The following SLC7A14 variants were observed in gnomAD, a reference collection of about 807,000 sequenced individuals.
The protein encoded by SLC7A14 is solute carrier family 7 member 14.
A neutral mutation model predicts 60.2 loss-of-function variants in SLC7A14; 37 were observed. The observed-to-expected ratio is 0.61, with a 90% CI of 0.47 to 0.81. SLC7A14 has a LOEUF of 0.81. Among genes scored for constraint, SLC7A14 ranks in the 30% least tolerant of loss-of-function variants. SLC7A14 has a pLI of 0.00. For synonymous variants in SLC7A14, 399 were observed against 395.8 expected (o/e 1.01, Z -0.10); for missense variants, 886 against 982.7 (o/e 0.90, Z 1.32).
At position 170,563,409 on chromosome 3, in the gene SLC7A14, G is replaced by GT. The variant is rs1244002284; in HGVS notation, c.-153+22501dup. Among the ~76,000 whole-genome samples, 19 of 102,470 alleles carry GT rather than the reference G, an allele frequency of 1.9e-4. No homozygotes were observed. The South Asian group carries it at 2.2e-3, about 12-fold the overall frequency. 67.2% of individuals were successfully genotyped at this position (102,470 alleles called of 152,430 possible). ...CACATCAGTTCAACAAACACTGTTT[G>GT]TTTGTTTGTTTTTTTTTTTTTTTTT... On this transcript the variant is annotated intron_variant, in intron 1 of 7. Coordinates refer to ENST00000231706, the MANE Select transcript of SLC7A14 (RefSeq NM_020949.3).
At chr3:170,582,270 G>A (rs1715258453) in intron 1 of SLC7A14, among the ~76,000 whole-genome samples, 1 of 151,926 alleles carries the variant, frequency 6.6e-6, no homozygotes, top group Admixed American at 6.6e-5. Context: ...TTGCTGTGAG[G>A]GTGTGTTTAG....
At chr3:170,476,680 C>T (rs1711628427) in intron 7 of SLC7A14, 1 of 152,242 alleles carries the variant, frequency 6.6e-6, no homozygotes, top group Admixed American at 6.5e-5. Context: ...GCAGGAAATA[C>T]ATGTTTCTTG....
chr3:170,577,833 T>C (rs1172271545), intron 1 of SLC7A14, among the ~76,000 whole-genome samples: 1 of 152,222 alleles, frequency 6.6e-6, no homozygotes, highest in East Asian at 1.9e-4. Flanking sequence ...CATTTGTATA[T>C]TCAGTACATT....
intron 1 of SLC7A14, among the ~76,000 whole-genome samples, chr3:170,572,920 G>A (rs552224817): frequency 1.7e-4 from 26 of 152,250 alleles, no homozygotes; most frequent in Middle Eastern, 3.4e-3. Context: ...AGCTCAAGGG[G>A]AAAATAAAAA....
At chr3:170,575,232 C>A (rs1033187297) in intron 1 of SLC7A14, among the ~76,000 whole-genome samples, 17 of 152,148 alleles carry the variant, frequency 1.1e-4, no homozygotes, top group African/African-American at 3.9e-4. Context: ...CTTTCTGAAG[C>A]CTCCCTCATC....
At chr3:170,474,881 G>A (rs904246049) in intron 7 of SLC7A14, among the ~76,000 whole-genome samples, 12 of 152,116 alleles carry the variant, frequency 7.9e-5, no homozygotes, top group Non-Finnish European at 1.6e-4. Flanking sequence ...AAATCCTATG[G>A]TAAGGGCAAG....
At chr3:170,492,601 G>T (rs1057055947) in intron 4 of SLC7A14, among the ~76,000 whole-genome samples, 1 of 152,332 alleles carries the variant, frequency 6.6e-6, no homozygotes, top group Non-Finnish European at 1.5e-5. Flanking sequence ...CCAGAACAGA[G>T]TTCATCCCTC....
At position 170,544,806 on chromosome 3, in the gene SLC7A14, A is replaced by G. The variant is rs183854934; in HGVS notation, c.-152-17718T>C. Among the ~76,000 whole-genome samples, 345 of 152,356 alleles carry G rather than the reference A, an allele frequency of 2.3e-3. 2 individuals carry two copies. Among genetic ancestry groups the G allele is most frequent in the African/African-American group, 7.8e-3 (324 of 41,576 alleles). On this transcript the variant is annotated intron_variant, in intron 1 of 7. Transcript: ENST00000231706. ...CCACTCCCAAGGTAAAGATGAGGAAACTGAGGCACAGAGCAGTTAACATTT... is the reference window on the plus strand; with the variant it reads ...CCACTCCCAAGGTAAAGATGAGGAAGCTGAGGCACAGAGCAGTTAACATTT...
At chr3:170,540,254 G>A (rs1713979091) in intron 1 of SLC7A14, among the ~76,000 whole-genome samples, 2 of 152,056 alleles carry the variant, frequency 1.3e-5, no homozygotes, top group Non-Finnish European at 2.9e-5. Context: ...CTGAAACCAT[G>A]GAAAGCAACA....
At chr3:170,503,920 G>C (rs924349090) in intron 2 of SLC7A14, among the ~76,000 whole-genome samples, 7 of 152,194 alleles carry the variant, frequency 4.6e-5, no homozygotes, top group African/African-American at 1.4e-4. Flanking sequence ...AGGAGCATTT[G>C]GAATCTTAGT....
intron 3 of SLC7A14, among the ~76,000 whole-genome samples, chr3:170,500,659 A>C (rs1712578489): frequency 6.6e-6 from 1 of 152,096 alleles, no homozygotes; most frequent in South Asian, 2.1e-4. Flanking sequence ...AATTGCTGAC[A>C]GTTCTTTTTT....
Position 170,486,227 on chromosome 3 carries a change from C to G in SLC7A14, c.901G>C (p.Val301Leu). The change falls in exon 5 of 8, where the codon GTG becomes CTG. Residue 301 changes from valine to leucine, a missense_variant. Val to Leu is a conservative substitution (Grantham distance 32). Transcript: ENST00000231706. Reference protein sequence around the residue: ...ASLVICLTAYVSVSVILTLMV... With the variant: ...ASLVICLTAYLSVSVILTLMV... Reference sequence around the variant, plus strand: ...CGCAAGCATCTGGTACTTACAGACACATATGCTGTCAGGCAGATGACCAGG... The same window carrying G: ...CGCAAGCATCTGGTACTTACAGACAGATATGCTGTCAGGCAGATGACCAGG... 6.2e-7 allele frequency: 1 copy of G among 1,614,134 alleles called. No homozygotes were observed. Among genetic ancestry groups the G allele is most frequent in the African/African-American group, 1.3e-5 (1 of 75,046 alleles).
chr3:170,490,631 T>C (rs1712186750), intron 4 of SLC7A14, among the ~76,000 whole-genome samples: 1 of 152,306 alleles, frequency 6.6e-6, no homozygotes, highest in South Asian at 2.1e-4. Context: ...GTCAATGTGA[T>C]GTCCACTGTA....
rs149861615 is a variant in SLC7A14, at chr3:170,498,794, A to G, written c.632T>C (p.Ile211Thr). The change falls in exon 4 of 8, where the codon ATA (isoleucine) becomes ACA (threonine). Residue 211 changes from isoleucine to threonine, a missense_variant. Ile to Thr is a moderately conservative substitution (Grantham distance 89). Coordinates refer to ENST00000231706, the MANE Select transcript of SLC7A14 (RefSeq NM_020949.3). ...CACATTGAGAACATTGTTGAAGCCT[A>G]TGGAATTCTTCACCCCCAGAGCAAC... is the stretch of plus-strand genomic sequence containing the variant. ...IIVALGVKNS[I>T]GFNNVLNVLN... 1.6e-4 allele frequency: 260 copies of G among 1,614,232 alleles called. 1 individual carries two copies. The African/African-American group carries it at 2.8e-3, about 17-fold the overall frequency.
At chr3:170,497,107 A>AAG (rs1553867121) in intron 4 of SLC7A14, among the ~76,000 whole-genome samples, 3,606 of 141,614 alleles carry the variant, frequency 0.025, 99 homozygotes, top group African/African-American at 0.091. Context: ...AAAAAAAAAA[A>AAG]AAAGAAAGAA....
intron 5 of SLC7A14, among the ~76,000 whole-genome samples, chr3:170,485,644 T>C (rs1239787327): frequency 1.3e-5 from 2 of 152,060 alleles, no homozygotes; most frequent in African/African-American, 2.4e-5. Context: ...CTGAAGTCTT[T>C]ATCCTGAGGC....
At chr3:170,547,854 C>A (rs1186452856) in intron 1 of SLC7A14, among the ~76,000 whole-genome samples, 1 of 152,084 alleles carries the variant, frequency 6.6e-6, no homozygotes, top group Non-Finnish European at 1.5e-5. Flanking sequence ...GGTTTAATTG[C>A]CTTTTAATGG....
At chr3:170,562,739 A>G (rs1329199805) in intron 1 of SLC7A14, among the ~76,000 whole-genome samples, 1 of 152,188 alleles carries the variant, frequency 6.6e-6, no homozygotes, top group Non-Finnish European at 1.5e-5. Flanking sequence ...CCTTGCTACA[A>G]GAAATATTAT....
chr3:170,515,833 G>A (rs190047599), intron 2 of SLC7A14, among the ~76,000 whole-genome samples: 2 of 152,266 alleles, frequency 1.3e-5, no homozygotes, highest in Admixed American at 6.5e-5. Flanking sequence ...CAGGTGTCCC[G>A]ACTTCTGACG....
Sources: gnomAD v4.1 joint callset for allele counts (sites outside exome capture counted in the v4.1 genomes callset) on GRCh38, gnomAD v4.1.1 for gene constraint, MANE v1.5 for transcripts, NCBI Gene and HGNC (gene_info 2026-07-23, HGNC 2026-07-21) for gene names.